CAST: variants seen among roughly 807,000 people sequenced by gnomAD.
CAST encodes calpastatin.
A neutral mutation model predicts 119.6 loss-of-function variants in CAST; 76 were observed. The observed-to-expected ratio is 0.64, with a 90% CI of 0.53 to 0.77. The LOEUF (loss-of-function observed/expected upper bound fraction) is 0.77. Among genes scored for constraint, CAST ranks in the 30% least tolerant of loss-of-function variants. The probability of loss-of-function intolerance (pLI) is 0.00; values close to 1 mark genes in which losing one functional copy is unlikely to be tolerated. For synonymous variants in CAST, 319 were observed against 331.6 expected (o/e 0.96, Z 0.41); for missense variants, 953 against 946.5 (o/e 1.01, Z -0.09).
upstream of CAST, among the ~76,000 whole-genome samples, chr5:96,657,657 G>C (rs1748183294): frequency 6.6e-6 from 1 of 152,114 alleles, no homozygotes; most frequent in Non-Finnish European, 1.5e-5. Context: ...TGGCTGTACA[G>C]ATATTTGGGC....
intron 1 of CAST, among the ~76,000 whole-genome samples, chr5:96,584,080 T>C (rs1469323972): frequency 6.6e-6 from 1 of 152,244 alleles, no homozygotes; most frequent in Non-Finnish European, 1.5e-5. Context: ...CCAACCTTTT[T>C]GGGACCAGGG....
At chr5:96,246,166 C>A in the CAST span, among the ~76,000 whole-genome samples, 1 of 146,198 alleles carries the variant, frequency 6.8e-6, no homozygotes, top group Non-Finnish European at 1.5e-5. Flanking sequence ...AAGGGTGGAT[C>A]CTGGAAACCT....
the CAST span, among the ~76,000 whole-genome samples, chr5:96,107,957 A>G: frequency 2.7e-5 from 4 of 150,360 alleles, no homozygotes; most frequent in Non-Finnish European, 4.4e-5. Context: ...TTCCCTTCTC[A>G]CTTCATTTCA....
intron 1 of CAST, among the ~76,000 whole-genome samples, chr5:96,631,774 C>T (rs887072494): frequency 2.0e-5 from 3 of 152,098 alleles, no homozygotes; most frequent in Non-Finnish European, 4.4e-5. Flanking sequence ...CCTCGTGATC[C>T]ACCCGCCTCG....
chr5:96,518,786 G>A, the CAST span, among the ~76,000 whole-genome samples: 17 of 152,232 alleles, frequency 1.1e-4, no homozygotes, highest in South Asian at 3.1e-3. Context: ...AGGCCGAGGC[G>A]GGTGGATCAT....
chr5:96,041,341 A>C, the CAST span, among the ~76,000 whole-genome samples: 1 of 152,146 alleles, frequency 6.6e-6, no homozygotes, highest in Non-Finnish European at 1.5e-5. Flanking sequence ...ACATCAGACA[A>C]GTTCTGATAG....
chr5:96,680,893 G>A (rs1490702339), intron 2 of CAST, among the ~76,000 whole-genome samples: 1 of 152,208 alleles, frequency 6.6e-6, no homozygotes, highest in South Asian at 2.1e-4. Flanking sequence ...GTGGGGAGTC[G>A]ATTGTGGCTG....
At chr5:96,001,099 A>G in the CAST span, among the ~76,000 whole-genome samples, 45 of 152,170 alleles carry the variant, frequency 3.0e-4, 1 homozygote, top group African/African-American at 1.1e-3. Context: ...GTTTGCTCCC[A>G]GTGTAAAGTG....
chr5:96,076,092 G>T, the CAST span, among the ~76,000 whole-genome samples: 1 of 152,084 alleles, frequency 6.6e-6, no homozygotes, highest in East Asian at 1.9e-4. Flanking sequence ...GGACAACCAC[G>T]CCCTAGGTCA....
upstream of CAST, among the ~76,000 whole-genome samples, chr5:96,658,779 C>T (rs1429712854): frequency 7.2e-5 from 11 of 152,150 alleles, no homozygotes; most frequent in Non-Finnish European, 1.0e-4. Flanking sequence ...CCACAGGTAA[C>T]AGGTTAGGGA....
the CAST span, chr5:96,397,347 T>A: frequency 2.2e-5 from 36 of 1,613,286 alleles, no homozygotes; most frequent in Non-Finnish European, 3.1e-5. Context: ...ATGTCTGTAA[T>A]TCTCAAAGTC....
the CAST span, among the ~76,000 whole-genome samples, chr5:96,444,544 A>AT: frequency 8.6e-6 from 1 of 116,476 alleles, no homozygotes; most frequent in Non-Finnish European, 1.7e-5. Flanking sequence ...TATCTTATTT[A>AT]CTTTTTTCTT....
At chr5:96,307,047 G>T in the CAST span, among the ~76,000 whole-genome samples, 2 of 152,140 alleles carry the variant, frequency 1.3e-5, no homozygotes, top group African/African-American at 4.8e-5. Flanking sequence ...ATTAACAGTG[G>T]GGTGTTAAAG....
At chr5:96,288,038 CT>C in the CAST span, among the ~76,000 whole-genome samples, 1 of 152,094 alleles carries the variant, frequency 6.6e-6, no homozygotes, top group Non-Finnish European at 1.5e-5. Flanking sequence ...AAATATTTCA[CT>C]TTTTAAAAAG....
intron 1 of CAST, among the ~76,000 whole-genome samples, chr5:96,668,518 G>A (rs1278847425): frequency 6.6e-6 from 1 of 152,202 alleles, no homozygotes; most frequent in African/African-American, 2.4e-5. Context: ...AAAAAGAAGG[G>A]AGTGAAATAA....
intron 1 of CAST, among the ~76,000 whole-genome samples, chr5:96,633,067 G>A (rs1345416464): frequency 1.3e-5 from 2 of 152,138 alleles, no homozygotes; most frequent in African/African-American, 4.8e-5. Flanking sequence ...TGCCACCTGG[G>A]TTCAAGTGAT....
At chr5:96,592,257 C>A (rs1465014690) in intron 1 of CAST, among the ~76,000 whole-genome samples, 1 of 151,940 alleles carries the variant, frequency 6.6e-6, no homozygotes, top group Non-Finnish European at 1.5e-5. Context: ...GGGGATTGGC[C>A]AGGTGTGGTG....
chr5:96,647,861 C>T (rs1251796894), intron 1 of CAST, among the ~76,000 whole-genome samples: 3 of 152,094 alleles, frequency 2.0e-5, no homozygotes, highest in African/African-American at 7.2e-5. Context: ...TGTTCTAAGC[C>T]ACCTAGTTTG....
chr5:96,207,786 G>T, the CAST span, among the ~76,000 whole-genome samples: 1 of 152,048 alleles, frequency 6.6e-6, no homozygotes, highest in African/African-American at 2.4e-5. Flanking sequence ...GCCAGGTTTT[G>T]GTATCAGGAT....
Sources: allele counts gnomAD v4.1 joint callset (sites outside exome capture counted in the v4.1 genomes callset), GRCh38; gene constraint gnomAD v4.1.1; transcripts MANE v1.5; gene names NCBI Gene and HGNC (gene_info 2026-07-23, HGNC 2026-07-21).